THSD7B: variants seen among roughly 807,000 people sequenced by gnomAD.
THSD7B encodes thrombospondin type 1 domain containing 7B.
Under a neutral mutation model 213.6 loss-of-function variants are expected in THSD7B, and 138 were observed. The ratio of observed to expected loss-of-function variants is 0.65; its 90% CI spans 0.56 to 0.74. The LOEUF (loss-of-function observed/expected upper bound fraction) is 0.74. Ranked by LOEUF, THSD7B falls within the 30% of genes least tolerant of loss-of-function variation. The pLI is 0.00. For missense variants in THSD7B, 1,931 were observed against 1,991.5 expected (o/e 0.97, Z 0.58); for synonymous variants, 742 against 687.0 (o/e 1.08, Z -1.25).
intron 20 of THSD7B, among the ~76,000 whole-genome samples, chr2:137,635,960 C>T (rs6734120): frequency 0.018 from 2,753 of 152,180 alleles, 77 homozygotes; most frequent in African/African-American, 0.064. Context: ...GTCTTGCATC[C>T]CAAACTGCTG....
intron 1 of THSD7B, among the ~76,000 whole-genome samples, chr2:136,841,895 A>G (rs1181048059): frequency 1.3e-5 from 2 of 152,218 alleles, no homozygotes; most frequent in African/African-American, 4.8e-5. Context: ...ATTAAAGAAA[A>G]GAAAACCAAA....
chr2:137,535,265 A>G (rs1357550183), intron 15 of THSD7B, among the ~76,000 whole-genome samples: 2 of 151,706 alleles, frequency 1.3e-5, no homozygotes, highest in African/African-American at 2.4e-5. Context: ...TTATTTGTGG[A>G]AGTATAGAGG....
intron 1 of THSD7B, among the ~76,000 whole-genome samples, chr2:136,880,887 A>T (rs1184965649): frequency 6.6e-6 from 1 of 152,048 alleles, no homozygotes; most frequent in African/African-American, 2.4e-5. Flanking sequence ...CTCTTCTATG[A>T]TTCTTGTTAC....
At chr2:137,451,132 C>A in intron 15 of THSD7B, 109 bp downstream of exon 15, 1 of 1,188,834 alleles carries the variant, frequency 8.4e-7, no homozygotes, top group Non-Finnish European at 1.1e-6. Flanking sequence ...TAAAAGTTAT[C>A]ACAATGTCAG....
At position 137,570,339 on chromosome 2, in the gene THSD7B, C is replaced by T. The variant is rs1332985964; in HGVS notation, c.3273-2067C>T. ...TTATTATTATTTTGAGACGGAGTCTCGCCCTGTCGTCCAGGCTGGAGTGCA... is the reference window on the plus strand; with the variant it reads ...TTATTATTATTTTGAGACGGAGTCTTGCCCTGTCGTCCAGGCTGGAGTGCA... On this transcript the variant is annotated intron_variant, in intron 16 of 27. Transcript: ENST00000409968. Among the ~76,000 whole-genome samples, 7 of 151,872 alleles carry T rather than the reference C, an allele frequency of 4.6e-5. No individual in the cohort carries two copies. The South Asian group carries it at 6.2e-4, about 14-fold the overall frequency.
chr2:137,637,301 A>T (rs1444244323), intron 20 of THSD7B, among the ~76,000 whole-genome samples: 3 of 152,086 alleles, frequency 2.0e-5, no homozygotes, highest in Non-Finnish European at 4.4e-5. Flanking sequence ...TATTTGAGGG[A>T]TACATTTTTG....
rs570728335 is a variant in THSD7B, at chr2:137,357,326, A to G, written c.2501-48287A>G. Among the ~76,000 whole-genome samples, 20 of 152,258 alleles carry G rather than the reference A, an allele frequency of 1.3e-4. No individual in the cohort carries two copies. In the East Asian group the frequency reaches 3.7e-3, roughly 28 times the overall value. ...CTCCAGTGACTACATAGTGTGAAAT[A>G]TGGGGGTCTTAGGTTTATATCTTAA... On this transcript the variant is annotated intron_variant, in intron 12 of 27. Transcript: ENST00000409968.
rs149709803 is a variant in THSD7B at position 137,671,098 on chromosome 2, A to G, written c.4739+3237A>G. Among the ~76,000 whole-genome samples, 116 of 152,036 alleles carry G rather than the reference A, an allele frequency of 7.6e-4. 1 individual carries two copies. Among genetic ancestry groups the G allele is most frequent in the African/African-American group, 2.7e-3 (110 of 41,454 alleles). ...GGTTTAGTATATTCATTTCCACCCA[A>G]GTTGTTTGCGATACAGCACTTCTTT... On this transcript the variant is annotated intron_variant, in intron 27 of 27. Transcript: ENST00000409968.
intron 3 of THSD7B, among the ~76,000 whole-genome samples, chr2:137,080,355 C>G (rs1282883264): frequency 1.4e-5 from 2 of 145,862 alleles, no homozygotes; most frequent in East Asian, 4.1e-4. Flanking sequence ...GCATGTACCA[C>G]CATGCCCAGC....
intron 25 of THSD7B, among the ~76,000 whole-genome samples, chr2:137,661,942 T>A (rs1359915280): frequency 6.6e-6 from 1 of 152,064 alleles, no homozygotes; most frequent in Non-Finnish European, 1.5e-5. Flanking sequence ...TAGAGGAAGA[T>A]CATATACCAG....
chr2:137,463,707 A>G, intron 15 of THSD7B, among the ~76,000 whole-genome samples: 1 of 152,092 alleles, frequency 6.6e-6, no homozygotes, highest in East Asian at 1.9e-4. Flanking sequence ...TCACAGAGCC[A>G]GTATCATCCA....
intron 25 of THSD7B, 67 bp from the exon 26 acceptor site, chr2:137,663,316 A>C: frequency 3.0e-6 from 4 of 1,321,836 alleles, no homozygotes; most frequent in Non-Finnish European, 4.0e-6. Context: ...TGATTTTAAC[A>C]TTATATTTTT....
intron 2 of THSD7B, among the ~76,000 whole-genome samples, chr2:136,954,124 G>C (rs112889986): frequency 3.3e-5 from 5 of 152,090 alleles, no homozygotes; most frequent in African/African-American, 1.2e-4. Flanking sequence ...TGCAATAATC[G>C]GTTGTTTTAA....
intron 2 of THSD7B, among the ~76,000 whole-genome samples, chr2:136,952,651 C>T (rs1017828438): frequency 6.6e-6 from 1 of 152,088 alleles, no homozygotes; most frequent in African/African-American, 2.4e-5. Context: ...GCTATACCAA[C>T]ACTTCTAAAG....
At chr2:136,918,139 G>T (rs1188655292) in intron 2 of THSD7B, among the ~76,000 whole-genome samples, 1 of 152,126 alleles carries the variant, frequency 6.6e-6, no homozygotes, top group Non-Finnish European at 1.5e-5. Flanking sequence ...GGATTACAGA[G>T]ATTATTATTA....
chr2:137,204,747 ATCTT>A, intron 7 of THSD7B, among the ~76,000 whole-genome samples: 1 of 151,892 alleles, frequency 6.6e-6, no homozygotes, highest in Non-Finnish European at 1.5e-5. Context: ...GAAATCAACT[ATCTT>A]AAGAAGTTAT....
At chr2:137,062,672 G>C (rs556934028) in intron 3 of THSD7B, among the ~76,000 whole-genome samples, 3 of 151,786 alleles carry the variant, frequency 2.0e-5, no homozygotes, top group Admixed American at 6.6e-5. Flanking sequence ...GGGAGCATAT[G>C]TTGTATGATT....
chr2:136,987,821 G>A (rs1288984371), intron 2 of THSD7B, among the ~76,000 whole-genome samples: 1 of 152,054 alleles, frequency 6.6e-6, no homozygotes, highest in Non-Finnish European at 1.5e-5. Flanking sequence ...ACAGATTTTT[G>A]CAATGGAAAT....
chr2:137,677,444 T>G lies in THSD7B; in HGVS notation c.*839T>G, dbSNP rs1048821. 0.61 allele frequency: 93,066 copies of G among 152,294 alleles called. 29,580 individuals are homozygous for G. The highest frequency in any genetic ancestry group is 0.89 in the East Asian group (4,634 of 5,184). 9.4% of individuals were successfully genotyped at this position (152,294 alleles called of 1,614,324 possible). A position where few individuals can be genotyped will look rare whatever the true frequency, so the allele number is the denominator to read the frequency against. ...GTAATTCAGTTTAATGATGACAAAC[T>G]CTGCTTTTGTAATTTCAATTTTCTT... On this transcript the variant is annotated 3_prime_UTR_variant, in exon 28 of 28. Coordinates refer to ENST00000409968, the MANE Select transcript of THSD7B (RefSeq NM_001316349.2).
Sources: gnomAD v4.1 joint callset for allele counts (sites outside exome capture counted in the v4.1 genomes callset) on GRCh38, gnomAD v4.1.1 for gene constraint, MANE v1.5 for transcripts, NCBI Gene and HGNC (gene_info 2026-07-23, HGNC 2026-07-21) for gene names.